GAGE1: variants seen among roughly 807,000 people sequenced by gnomAD.
The protein encoded by GAGE1 is G antigen 4.
In GAGE1, 5 loss-of-function variants were observed where a neutral mutation model predicts 5.0. The ratio of observed to expected loss-of-function variants is 1.00; its 90% CI spans 0.52 to 2.11. The LOEUF (loss-of-function observed/expected upper bound fraction) is 2.11, where lower values mean the gene tolerates loss of function less well. Ranked by LOEUF, GAGE1 falls within the 30% of genes most tolerant of loss-of-function variation. The pLI is 0.01. For synonymous variants in GAGE1, 6 were observed against 14.8 expected (o/e 0.40, Z 1.37); for missense variants, 9 against 38.9 (o/e 0.23, Z 2.04).
intron 4 of GAGE1, chrX:49,604,946 T>C (rs1474101425): frequency 8.2e-5 from 46 of 562,585 alleles, no homozygotes; most frequent in Non-Finnish European, 1.2e-4. Flanking sequence ...TGGCTGGAAC[T>C]ACATGCACAA....
In GAGE1 at chrX:49,607,979, TG is replaced by T. The variant is rs1317532933; in HGVS notation, c.*1970del. ...GACTGACTCCAGTAAGAAGCAGATT[TG>T]GGGGGATTTCAATTTCTAAGCTCAA... On this transcript the variant is annotated 3_prime_UTR_variant, in exon 5 of 5. Transcript: ENST00000381700. The T allele has an allele frequency of 1.8e-5, 2 of 111,689 alleles. No homozygotes were observed. Among genetic ancestry groups the T allele is most frequent in the African/African-American group, 6.5e-5 (2 of 30,725 alleles). The allele number at this position is 111,689 out of a possible 1,213,427, so 9.2% of individuals were successfully genotyped here.
intron 4 of GAGE1, among the ~76,000 whole-genome samples, 195 bp downstream of exon 4, chrX:49,603,988 G>T (rs1410122379): frequency 8.9e-6 from 1 of 112,894 alleles, no homozygotes; most frequent in African/African-American, 3.2e-5. Context: ...GCGGAGCCGG[G>T]GTTACAGGCG....
At chrX:49,605,778 A>G (rs1312317133) in intron 4 of GAGE1, among the ~76,000 whole-genome samples, 2 of 110,284 alleles carry the variant, frequency 1.8e-5, no homozygotes, top group Non-Finnish European at 3.8e-5. Flanking sequence ...TTGTGGTGGC[A>G]CGCGCCTGTG....
chrX:49,602,585 C>T (rs1385088041), intron 3 of GAGE1, among the ~76,000 whole-genome samples: 1 of 85,244 alleles, frequency 1.2e-5, no homozygotes, highest in African/African-American at 3.4e-5. Context: ...CACACACATA[C>T]GGATATATGT....
intron 4 of GAGE1, among the ~76,000 whole-genome samples, chrX:49,605,502 G>A (rs1378616428): frequency 8.0e-5 from 9 of 112,303 alleles, no homozygotes; most frequent in African/African-American, 2.9e-4. Context: ...CTCTCAAAGT[G>A]TATTCCGAGA....
intron 4 of GAGE1, among the ~76,000 whole-genome samples, chrX:49,604,772 G>A (rs5906840): frequency 1.4e-4 from 16 of 111,983 alleles, no homozygotes; most frequent in Non-Finnish European, 2.8e-4. Flanking sequence ...AATACGTAGT[G>A]TAAGATCTTG....
chrX:49,604,194 T>G (rs1369330979), intron 4 of GAGE1, among the ~76,000 whole-genome samples: 4 of 112,641 alleles, frequency 3.6e-5, no homozygotes, highest in Non-Finnish European at 7.5e-5. Flanking sequence ...CAATACTGCC[T>G]CTTTAGTAAA....
At position 49,607,407 on chromosome X, in the gene GAGE1, A is replaced by G. The variant is rs2066665225; in HGVS notation, c.*1392A>G. ...TGCTCATTTGTTGGACGTTGTTATC[A>G]AGGTTCCTCTAGCTTCATAAAACGG... On this transcript the variant is annotated 3_prime_UTR_variant, in exon 5 of 5. Coordinates refer to ENST00000381700, the MANE Select transcript of GAGE1 (RefSeq NM_001040663.4). 8.9e-6 allele frequency: 1 copy of G among 112,020 alleles called. No homozygotes were observed. The highest frequency in any genetic ancestry group is 3.2e-5 in the African/African-American group (1 of 30,867). 9.2% of individuals were successfully genotyped at this position (112,020 alleles called of 1,213,427 possible).
intron 4 of GAGE1, chrX:49,605,077 G>T (rs376644666): frequency 9.8e-7 from 1 of 1,021,252 alleles, no homozygotes; most frequent in South Asian, 1.8e-5. Flanking sequence ...TTTCCCCACG[G>T]AAACCTTGAG....
At chrX:49,605,638 G>A (rs1269041838) in intron 4 of GAGE1, among the ~76,000 whole-genome samples, 3 of 111,667 alleles carry the variant, frequency 2.7e-5, no homozygotes, top group Non-Finnish European at 5.6e-5. Context: ...TCAGCCGGGC[G>A]CTGTGGCTCA....
chrX:49,606,090 T>A lies in GAGE1; in HGVS notation c.*75T>A. 1.5e-6 allele frequency: 1 copy of A among 657,421 alleles called. No homozygotes were observed. Among genetic ancestry groups the A allele is most frequent in the Non-Finnish European group, 2.2e-6 (1 of 459,346 alleles). The allele number at this position is 657,421 out of a possible 1,213,427, so 54.2% of individuals were successfully genotyped here. A position where few individuals can be genotyped will look rare whatever the true frequency, so the allele number is the denominator to read the frequency against. ...TCATTGAAGTTCTCCCAATAAAGCT[T>A]TACAGCCTTCTGCAAAGAAGTCTTG... On this transcript the variant is annotated 3_prime_UTR_variant, in exon 5 of 5. Transcript: ENST00000381700.
intron 4 of GAGE1, among the ~76,000 whole-genome samples, chrX:49,604,809 G>GGTTT (rs782126798): frequency 7.9e-4 from 88 of 111,477 alleles, no homozygotes; most frequent in Non-Finnish European, 1.4e-3. Context: ...CCCTCTTCTT[G>GGTTT]GTTTGTTTGT....
intron 4 of GAGE1, among the ~76,000 whole-genome samples, chrX:49,604,739 T>C (rs1165408239): frequency 2.7e-5 from 3 of 112,282 alleles, no homozygotes; most frequent in Non-Finnish European, 3.8e-5. Context: ...TGCTTCATCC[T>C]AGTTTTTCCG....
At chrX:49,604,551 A>G (rs1218484887) in intron 4 of GAGE1, among the ~76,000 whole-genome samples, 15 of 112,182 alleles carry the variant, frequency 1.3e-4, no homozygotes, top group Non-Finnish European at 2.3e-4. Context: ...CAGAGATTTT[A>G]AAACCATTTT....
chrX:49,602,167 A>G (rs2066613226), intron 3 of GAGE1, among the ~76,000 whole-genome samples: 1 of 113,169 alleles, frequency 8.8e-6, no homozygotes, highest in Admixed American at 9.3e-5. Context: ...AAATGGATAA[A>G]TAAATACATA....
rs2066661738 is a variant in GAGE1, at chrX:49,606,709, TGA to T, written c.*698_*699del. 3.6e-5 allele frequency: 4 copies of T among 112,165 alleles called. No homozygotes were observed. Among genetic ancestry groups the T allele is most frequent in the African/African-American group, 1.3e-4 (4 of 30,898 alleles). 9.2% of individuals were successfully genotyped at this position (112,165 alleles called of 1,213,427 possible). On this transcript the variant is annotated 3_prime_UTR_variant, in exon 5 of 5. Transcript: ENST00000381700. ...GTCAAGCCATTCTGTTTTAGTTTGT[TGA>T]GAGTGTTCATTTTGAATATATGTTG...
intron 4 of GAGE1, chrX:49,604,931 C>T (rs781935032): frequency 1.8e-5 from 8 of 445,634 alleles, no homozygotes; most frequent in South Asian, 5.6e-5. Flanking sequence ...CCTCAGCCTC[C>T]TGAGTGGCTG....
chrX:49,608,278 G>C lies in GAGE1; in HGVS notation c.*2263G>C, dbSNP rs1249374315. ...CTGAAAAACAAAGTGCTTTGACTGT[G>C]CTGTGACCCAGCCAGCTGCATGTTT... On this transcript the variant is annotated 3_prime_UTR_variant, in exon 5 of 5. Transcript: ENST00000381700. 2.7e-5 allele frequency: 3 copies of C among 111,410 alleles called. No individual in the cohort carries two copies. Among genetic ancestry groups the C allele is most frequent in the African/African-American group, 9.8e-5 (3 of 30,675 alleles). The allele number at this position is 111,410 out of a possible 1,213,427, so 9.2% of individuals were successfully genotyped here. A position where few individuals can be genotyped will look rare whatever the true frequency, so the allele number is the denominator to read the frequency against.
In GAGE1 at chrX:49,608,219, C is replaced by T. The variant is rs1778138774; in HGVS notation, c.*2204C>T. The T allele has an allele frequency of 9.0e-6, 1 of 111,677 alleles. No homozygotes were observed. The highest frequency in any genetic ancestry group is 9.6e-5 in the Admixed American group (1 of 10,423). 9.2% of individuals were successfully genotyped at this position (111,677 alleles called of 1,213,427 possible). On this transcript the variant is annotated 3_prime_UTR_variant, in exon 5 of 5. Coordinates refer to ENST00000381700, the MANE Select transcript of GAGE1 (RefSeq NM_001040663.4). ...TGCATGGTGTCTCTAGGGCCTCCTA[C>T]CCCGCATTTCCCCTGCTTTTTCTCT...
Sources: gnomAD v4.1 joint callset for allele counts (sites outside exome capture counted in the v4.1 genomes callset) on GRCh38, gnomAD v4.1.1 for gene constraint, MANE v1.5 for transcripts, NCBI Gene and HGNC (gene_info 2026-07-23, HGNC 2026-07-21) for gene names.